The following HOOK3 variants were observed in gnomAD, a reference collection of about 807,000 sequenced individuals.
HOOK3 encodes protein Hook homolog 3.
In HOOK3, 24 loss-of-function variants were observed where a neutral mutation model predicts 116.3. That is an observed-to-expected ratio of 0.21 (90% CI 0.15 to 0.29). HOOK3 has a LOEUF of 0.29. HOOK3 is among the 10% of genes least tolerant of loss of function. The pLI, the probability that HOOK3 is intolerant of heterozygous loss-of-function variation, is 1.00. For missense variants in HOOK3, 632 were observed against 830.2 expected (o/e 0.76, Z 2.93); for synonymous variants, 275 against 283.0 (o/e 0.97, Z 0.28).
In HOOK3 at chr8:43,020,907, C is replaced by G. The variant is rs568489783; in HGVS notation, c.*2409C>G. 5.6e-6 allele frequency: 1 copy of G among 179,404 alleles called. No homozygotes were observed. Among genetic ancestry groups the G allele is most frequent in the Non-Finnish European group, 1.2e-5 (1 of 84,204 alleles). The allele number at this position is 179,404 out of a possible 1,614,324, so 11.1% of individuals were successfully genotyped here. On this transcript the variant is annotated 3_prime_UTR_variant, in exon 22 of 22. Coordinates refer to ENST00000307602, the MANE Select transcript of HOOK3 (RefSeq NM_032410.4). ...TCTGAGGTCAGGACTTCCAGACCAG[C>G]CTGTCCAACATGGTGAAACTCCGTC...
chr8:42,948,448 T>G (rs1808276870), intron 5 of HOOK3, among the ~76,000 whole-genome samples: 1 of 152,222 alleles, frequency 6.6e-6, no homozygotes, highest in Non-Finnish European at 1.5e-5. Context: ...ATTTAGCATT[T>G]TACGGTGTTC....
intron 2 of HOOK3, among the ~76,000 whole-genome samples, chr8:42,921,304 G>A (rs898509493): frequency 2.6e-5 from 4 of 151,974 alleles, no homozygotes; most frequent in South Asian, 2.1e-4. Flanking sequence ...CAGCTGCAGG[G>A]CACCAGATTC....
At chr8:43,009,462 TTC>T (rs1809561658) in intron 18 of HOOK3, among the ~76,000 whole-genome samples, 4 of 152,236 alleles carry the variant, frequency 2.6e-5, no homozygotes, top group Non-Finnish European at 5.9e-5. Flanking sequence ...TATAATGTCT[TTC>T]TGATTGTACT....
rs776615398 is a variant in HOOK3 at position 42,964,290 on chromosome 8, C to T, written c.616-21C>T. The T allele has an allele frequency of 1.7e-5, 27 of 1,612,112 alleles. No individual in the cohort carries two copies. In the African/African-American group the frequency reaches 2.1e-4, roughly 13 times the overall value. ...CAGTGTAGTTGGAAGAAATAACTGCCGTCGTCCTATATTCCAACAGGTTGC... is the reference window on the plus strand; with the variant it reads ...CAGTGTAGTTGGAAGAAATAACTGCTGTCGTCCTATATTCCAACAGGTTGC... On this transcript the variant is annotated intron_variant, in intron 8 of 21. Coordinates refer to ENST00000307602, the MANE Select transcript of HOOK3 (RefSeq NM_032410.4).
chr8:42,905,013 T>C (rs1171288070), intron 1 of HOOK3, among the ~76,000 whole-genome samples: 1 of 152,254 alleles, frequency 6.6e-6, no homozygotes, highest in African/African-American at 2.4e-5. Flanking sequence ...CTACATTTTC[T>C]TACTTTGAGA....
At chr8:42,904,956 T>C (rs899991964) in intron 1 of HOOK3, among the ~76,000 whole-genome samples, 1 of 152,220 alleles carries the variant, frequency 6.6e-6, no homozygotes, top group Non-Finnish European at 1.5e-5. Flanking sequence ...TTCTCAGGGA[T>C]TGATTTCCGT....
In HOOK3 at chr8:42,982,018, C is replaced by T. The variant is rs1277920506; in HGVS notation, c.1322-609C>T. Among the ~76,000 whole-genome samples the T allele has an allele frequency of 6.6e-5, 10 of 151,704 alleles. No individual in the cohort carries two copies. The East Asian group carries it at 1.9e-3, about 29-fold the overall frequency. ...CCTGTAATCCCAGCACTTTGGGAGGCTGAGGTGGGAGGATCACCTGAAGTC... is the reference window on the plus strand; with the variant it reads ...CCTGTAATCCCAGCACTTTGGGAGGTTGAGGTGGGAGGATCACCTGAAGTC... On this transcript the variant is annotated intron_variant, in intron 13 of 21. Coordinates refer to ENST00000307602, the MANE Select transcript of HOOK3 (RefSeq NM_032410.4).
rs367811101 is a variant in HOOK3 at position 42,992,318 on chromosome 8, T to C, written c.1533-5232T>C. ...AGGAGGCTGAGGCAGGAGAATTGCA[T>C]GAACCTGGGAGGTGCAGCTTGCAGT... On this transcript the variant is annotated intron_variant, in intron 15 of 21. Transcript: ENST00000307602. Among the ~76,000 whole-genome samples, 30 of 143,890 alleles carry C rather than the reference T, an allele frequency of 2.1e-4. No individual in the cohort carries two copies. In the East Asian group the frequency reaches 2.6e-3, roughly 13 times the overall value. 94.4% of individuals were successfully genotyped at this position (143,890 alleles called of 152,430 possible).
intron 1 of HOOK3, among the ~76,000 whole-genome samples, chr8:42,902,682 T>G (rs979269704): frequency 6.6e-6 from 1 of 152,220 alleles, no homozygotes; most frequent in Non-Finnish European, 1.5e-5. Context: ...TCATTCATTC[T>G]GAAGCAACAC....
chr8:42,942,432 A>G (rs1029148954), intron 4 of HOOK3, among the ~76,000 whole-genome samples: 2 of 152,238 alleles, frequency 1.3e-5, no homozygotes, highest in East Asian at 3.8e-4. Context: ...ACCAGCACCT[A>G]CCAGGGCTTG....
intron 1 of HOOK3, among the ~76,000 whole-genome samples, chr8:42,900,489 A>C (rs1260532090): frequency 6.6e-6 from 1 of 152,188 alleles, no homozygotes; most frequent in Non-Finnish European, 1.5e-5. Flanking sequence ...CATATTACTT[A>C]TTTGGCAGCC....
Position 43,024,406 on chromosome 8 carries a change from A to G in HOOK3, c.*5908A>G, listed in dbSNP as rs1563317591. On this transcript the variant is annotated 3_prime_UTR_variant, in exon 22 of 22. Coordinates refer to ENST00000307602, the MANE Select transcript of HOOK3 (RefSeq NM_032410.4). The stretch of plus-strand genomic sequence containing the variant: ...CAGAATCTTTGAAAATTATTTTATC[A>G]TTTTTTCTATTTTTTCATTTTTATA... The G allele has an allele frequency of 5.4e-6, 1 of 184,794 alleles. No homozygotes were observed. Among genetic ancestry groups the G allele is most frequent in the African/African-American group, 2.4e-5 (1 of 42,552 alleles). The allele number at this position is 184,794 out of a possible 1,614,324, so 11.4% of individuals were successfully genotyped here.
intron 14 of HOOK3, among the ~76,000 whole-genome samples, chr8:42,984,475 T>C (rs557192402): frequency 8.1e-4 from 123 of 152,328 alleles, no homozygotes; most frequent in Non-Finnish European, 1.4e-3. Context: ...TATGCTACTT[T>C]ATAATTGAAC....
rs1745020162 is a variant in HOOK3, at chr8:43,025,811, TCTTA to T, written c.*7319_*7322del. ...AGCCATAGGCTCAATTTTATGTCCTTCTTACTTACACACAGTAGCCCCACACAGT... is the reference window on the plus strand; with the variant it reads ...AGCCATAGGCTCAATTTTATGTCCTTCTTACACACAGTAGCCCCACACAGT... On this transcript the variant is annotated 3_prime_UTR_variant, in exon 22 of 22. Transcript: ENST00000307602. 9.5e-6 allele frequency: 2 copies of T among 211,014 alleles called. No individual in the cohort carries two copies. The highest frequency in any genetic ancestry group is 4.5e-5 in the African/African-American group (2 of 44,188). 13.1% of individuals were successfully genotyped at this position (211,014 alleles called of 1,614,324 possible).
chr8:42,951,346 G>A (rs1808341985), intron 6 of HOOK3, among the ~76,000 whole-genome samples: 1 of 152,202 alleles, frequency 6.6e-6, no homozygotes, highest in Non-Finnish European at 1.5e-5. Context: ...ACAGGCGTGA[G>A]CCACGGCGCC....
Position 43,013,042 on chromosome 8 carries a change from T to G in HOOK3, c.1840-9T>G. On this transcript the variant is annotated splice_polypyrimidine_tract_variant and intron_variant, in intron 19 of 21. Coordinates refer to ENST00000307602, the MANE Select transcript of HOOK3 (RefSeq NM_032410.4). ...ACTTTTTAAATTTTTCTTTTATTAT[T>G]TTTTGCAGGTCATCCGTACTTTAGA... 3.2e-6 allele frequency: 5 copies of G among 1,563,432 alleles called. No individual in the cohort carries two copies. Among genetic ancestry groups the G allele is most frequent in the Non-Finnish European group, 4.3e-6 (5 of 1,149,554 alleles).
intron 2 of HOOK3, among the ~76,000 whole-genome samples, chr8:42,919,116 T>C (rs926367229): frequency 6.6e-6 from 1 of 150,864 alleles, no homozygotes; most frequent in African/African-American, 2.4e-5. Flanking sequence ...ACAGGGCGGC[T>C]GCCGGGTGGA....
intron 5 of HOOK3, among the ~76,000 whole-genome samples, chr8:42,943,711 G>A (rs1808171995): frequency 6.6e-6 from 1 of 152,142 alleles, no homozygotes; most frequent in Non-Finnish European, 1.5e-5. Flanking sequence ...TGAATGCAGT[G>A]AAATTTGCTG....
In HOOK3 at chr8:42,994,196, A is replaced by T. The variant is rs554676213; in HGVS notation, c.1533-3354A>T. Among the ~76,000 whole-genome samples, 16 of 152,164 alleles carry T rather than the reference A, an allele frequency of 1.1e-4. No homozygotes were observed. In the East Asian group the frequency reaches 2.7e-3, roughly 26 times the overall value. On this transcript the variant is annotated intron_variant, in intron 15 of 21. Coordinates refer to ENST00000307602, the MANE Select transcript of HOOK3 (RefSeq NM_032410.4). The stretch of plus-strand genomic sequence containing the variant: ...ACCCCCGGCTAATTTTTGTATTTTT[A>T]GTAGAGATGGAGTTTCACCATGTTG...
Sources: gnomAD v4.1 joint callset for allele counts (sites outside exome capture counted in the v4.1 genomes callset) on GRCh38, gnomAD v4.1.1 for gene constraint, MANE v1.5 for transcripts, NCBI Gene and HGNC (gene_info 2026-07-23, HGNC 2026-07-21) for gene names.